WNT7A: variants seen among roughly 807,000 people sequenced by gnomAD.
WNT7A encodes protein Wnt-7a.
Under a neutral mutation model 28.2 loss-of-function variants are expected in WNT7A, and 16 were observed. The ratio of observed to expected loss-of-function variants is 0.57; its 90% CI spans 0.38 to 0.86. The LOEUF is 0.86. Ranked by LOEUF, WNT7A falls within the 40% of genes least tolerant of loss-of-function variation. WNT7A has a pLI of 0.00. For synonymous variants in WNT7A, 190 were observed against 195.9 expected (o/e 0.97, Z 0.25); for missense variants, 411 against 489.7 (o/e 0.84, Z 1.52).
chr3:13,842,525 C>A (rs1694477767), intron 3 of WNT7A, among the ~76,000 whole-genome samples: 1 of 152,166 alleles, frequency 6.6e-6, no homozygotes, highest in Admixed American at 6.5e-5. Context: ...GGAAGAGAGG[C>A]TGGTGGCTTG....
Position 13,833,867 on chromosome 3 carries a change from C to T in WNT7A, c.571-14444G>A, listed in dbSNP as rs561596660. On this transcript the variant is annotated intron_variant, in intron 3 of 3. Transcript: ENST00000285018. ...TCACTTATTCATTCATCCACTCATT[C>T]ACCTTTCCACCACACGCTAACTTAA... Among the ~76,000 whole-genome samples, 3 of 152,374 alleles carry T rather than the reference C, an allele frequency of 2.0e-5. No homozygotes were observed. The South Asian group carries it at 6.2e-4, about 32-fold the overall frequency.
chr3:13,863,858 G>A (rs1228634595), intron 2 of WNT7A: 5 of 152,140 alleles, frequency 3.3e-5, no homozygotes, highest in Non-Finnish European at 5.9e-5. Flanking sequence ...TTTTTGCAGA[G>A]TGTGGGGATC....
At chr3:13,834,778 C>T (rs1204969808) in intron 3 of WNT7A, among the ~76,000 whole-genome samples, 4 of 152,300 alleles carry the variant, frequency 2.6e-5, no homozygotes, top group East Asian at 3.9e-4. Context: ...CCGCCCCTGC[C>T]CCGGCTTGTT....
At chr3:13,879,636 A>C in intron 1 of WNT7A, 110 bp downstream of exon 1, 1 of 1,254,416 alleles carries the variant, frequency 8.0e-7, no homozygotes, top group Non-Finnish European at 1.1e-6. Context: ...CCGGCCTCTC[A>C]GAGAAGCTGT....
chr3:13,858,801 C>T (rs956091052), intron 2 of WNT7A, among the ~76,000 whole-genome samples: 2 of 152,060 alleles, frequency 1.3e-5, no homozygotes, highest in Admixed American at 1.3e-4. Flanking sequence ...GTGGAAGAGT[C>T]ACTTTTGACT....
intron 1 of WNT7A, 64 bp downstream of exon 1, chr3:13,879,682 C>A: frequency 6.4e-7 from 1 of 1,565,818 alleles, no homozygotes; most frequent in Non-Finnish European, 8.7e-7. Flanking sequence ...GGCGGCACAC[C>A]TCCCTCCCCG....
chr3:13,840,099 G>T (rs984969734), intron 3 of WNT7A, among the ~76,000 whole-genome samples: 1 of 152,158 alleles, frequency 6.6e-6, no homozygotes, highest in Admixed American at 6.5e-5. Flanking sequence ...AGCCACACTG[G>T]CCTCTTTGCC....
intron 3 of WNT7A, among the ~76,000 whole-genome samples, chr3:13,827,271 G>C (rs1484379324): frequency 1.3e-5 from 2 of 152,244 alleles, no homozygotes; most frequent in African/African-American, 4.8e-5. Context: ...GTAAGCAGCA[G>C]CTGGGGTCTG....
intron 2 of WNT7A, among the ~76,000 whole-genome samples, chr3:13,855,458 C>T (rs746169121): frequency 6.6e-6 from 1 of 152,214 alleles, no homozygotes; most frequent in African/African-American, 2.4e-5. Context: ...GTGGCCACTA[C>T]TACTCTTTCT....
intron 2 of WNT7A, among the ~76,000 whole-genome samples, chr3:13,868,362 G>C (rs1012332618): frequency 6.6e-6 from 1 of 151,604 alleles, no homozygotes; most frequent in African/African-American, 2.4e-5. Context: ...GTGAGGTGGT[G>C]TGTGCCTGTA....
At chr3:13,839,718 T>C (rs971149877) in intron 3 of WNT7A, among the ~76,000 whole-genome samples, 1 of 152,184 alleles carries the variant, frequency 6.6e-6, no homozygotes, top group African/African-American at 2.4e-5. Flanking sequence ...TCCTTCTTTT[T>C]CTCTCTGAAA....
At position 13,873,856 on chromosome 3, in the gene WNT7A, G is replaced by A. The variant is rs150829616; in HGVS notation, c.298+1091C>T. Among the ~76,000 whole-genome samples, 629 of 152,316 alleles carry A rather than the reference G, an allele frequency of 4.1e-3. 1 individual carries two copies. The highest frequency in any genetic ancestry group is 0.014 in the Middle Eastern group (4 of 294). On this transcript the variant is annotated intron_variant, in intron 2 of 3. Transcript: ENST00000285018. Reference sequence around the variant, plus strand: ...GTGGTGTGTTTGGGAAAAAGGACAAGGCTGAGTGAGCAAGGTGAAGGGGGA... The same window carrying A: ...GTGGTGTGTTTGGGAAAAAGGACAAAGCTGAGTGAGCAAGGTGAAGGGGGA...
chr3:13,869,816 G>C (rs551592559), intron 2 of WNT7A, among the ~76,000 whole-genome samples: 2 of 152,308 alleles, frequency 1.3e-5, no homozygotes, highest in African/African-American at 4.8e-5. Flanking sequence ...TCAAACTGAT[G>C]TGGGGCCACA....
At chr3:13,833,248 C>T (rs1694310717) in intron 3 of WNT7A, among the ~76,000 whole-genome samples, 1 of 152,026 alleles carries the variant, frequency 6.6e-6, no homozygotes, top group African/African-American at 2.4e-5. Context: ...CACACTCCCT[C>T]ACAGGTATGC....
At chr3:13,857,480 C>A (rs1322540216) in intron 2 of WNT7A, among the ~76,000 whole-genome samples, 1 of 152,128 alleles carries the variant, frequency 6.6e-6, no homozygotes, top group Non-Finnish European at 1.5e-5. Context: ...CCAGCCAGCG[C>A]AGGAGGTGGG....
chr3:13,872,113 C>A (rs1282978069), intron 2 of WNT7A, among the ~76,000 whole-genome samples: 1 of 152,178 alleles, frequency 6.6e-6, no homozygotes, highest in Non-Finnish European at 1.5e-5. Context: ...CCTGGACACA[C>A]ACACTGGAAC....
chr3:13,870,962 G>C (rs1057336238), intron 2 of WNT7A, among the ~76,000 whole-genome samples: 1 of 152,198 alleles, frequency 6.6e-6, no homozygotes, highest in South Asian at 2.1e-4. Context: ...GCCCATTGCT[G>C]CCTCTCAGCT....
At chr3:13,861,690 C>T (rs1167255665) in intron 2 of WNT7A, among the ~76,000 whole-genome samples, 2 of 152,102 alleles carry the variant, frequency 1.3e-5, no homozygotes, top group African/African-American at 2.4e-5. Context: ...TGAGCCAGGG[C>T]GGCACCGGAG....
At chr3:13,847,109 C>T (rs74627388) in intron 3 of WNT7A, among the ~76,000 whole-genome samples, 8,935 of 152,244 alleles carry the variant, frequency 0.059, 627 homozygotes, top group South Asian at 0.23. Flanking sequence ...GCTCTGCCCT[C>T]GCTGTGTCAT....
Sources: allele counts gnomAD v4.1 joint callset (sites outside exome capture counted in the v4.1 genomes callset), GRCh38; gene constraint gnomAD v4.1.1; transcripts MANE v1.5; gene names NCBI Gene and HGNC (gene_info 2026-07-23, HGNC 2026-07-21).